UNC79: variants seen among roughly 807,000 people sequenced by gnomAD.
UNC79 encodes the protein protein unc-79 homolog.
In UNC79, 37 loss-of-function variants were observed where a neutral mutation model predicts 283.1. The observed-to-expected ratio is 0.13, with a 90% CI of 0.10 to 0.17. The LOEUF is 0.17. Ranked by LOEUF, UNC79 falls within the 10% of genes least tolerant of loss-of-function variation. UNC79 has a pLI of 1.00. For synonymous variants in UNC79, 1,107 were observed against 1,200.2 expected (o/e 0.92, Z 1.61); for missense variants, 2,272 against 3,211.1 (o/e 0.71, Z 7.07).
At chr14:93,443,475 G>A (rs1375575615) in intron 1 of UNC79, among the ~76,000 whole-genome samples, 2 of 145,338 alleles carry the variant, frequency 1.4e-5, no homozygotes, top group Admixed American at 7.0e-5. Context: ...CCAGGCTAGA[G>A]TGCAATGGCA....
intron 1 of UNC79, among the ~76,000 whole-genome samples, chr14:93,334,319 C>G (rs927667675): frequency 6.6e-6 from 1 of 152,242 alleles, no homozygotes; most frequent in African/African-American, 2.4e-5. Flanking sequence ...CTTTACCCAT[C>G]TCACCCTTTT....
At chr14:93,643,475 A>G (rs1326310662) in intron 33 of UNC79, 82 bp from the exon 37 acceptor site, 1 of 1,606,532 alleles carries the variant, frequency 6.2e-7, no homozygotes, top group Admixed American at 1.7e-5. Context: ...GACCTACTAA[A>G]AACAGCCGTG....
chr14:93,384,089 A>C (rs2054720464), intron 1 of UNC79, among the ~76,000 whole-genome samples: 1 of 152,208 alleles, frequency 6.6e-6, no homozygotes, highest in African/African-American at 2.4e-5. Context: ...GGACTAATAC[A>C]ATCTCTCATC....
intron 14 of UNC79, among the ~76,000 whole-genome samples, chr14:93,559,937 G>A (rs1193241849): frequency 6.6e-6 from 1 of 152,032 alleles, no homozygotes; most frequent in Non-Finnish European, 1.5e-5. Flanking sequence ...AGAGATAATG[G>A]GCGATGTTTC....
At chr14:93,422,644 C>T (rs1358103264) in intron 1 of UNC79, among the ~76,000 whole-genome samples, 2 of 151,958 alleles carry the variant, frequency 1.3e-5, no homozygotes, top group Non-Finnish European at 2.9e-5. Flanking sequence ...AGGAACATAC[C>T]TCGATATAAA....
At chr14:93,657,212 G>A (rs1186123749) in intron 38 of UNC79, among the ~76,000 whole-genome samples, 2 of 152,162 alleles carry the variant, frequency 1.3e-5, no homozygotes, top group African/African-American at 4.8e-5. Flanking sequence ...TATGTGTATA[G>A]CTACTGTACA....
At position 93,533,852 on chromosome 14, in the gene UNC79, T is replaced by C. The variant is rs144913256; in HGVS notation, c.1122+1274T>C. On this transcript the variant is annotated intron_variant, in intron 11 of 48. Transcript: ENST00000555664. ...TTTGGACATAATTATTTACCTTCTT[T>C]CCATATGCAAAATATGCTCACCATT... 5.7e-3 allele frequency among the ~76,000 whole-genome samples: 872 copies of C among 152,330 alleles called. 12 individuals carry two copies. Among genetic ancestry groups the C allele is most frequent in the African/African-American group, 0.02 (839 of 41,562 alleles).
At chr14:93,616,340 T>C (rs570899247) in intron 27 of UNC79, among the ~76,000 whole-genome samples, 1 of 151,188 alleles carries the variant, frequency 6.6e-6, no homozygotes, top group East Asian at 1.9e-4. Flanking sequence ...TTAGACGGTA[T>C]ATGCTTTTTC....
At chr14:93,662,196 A>C (rs1270782207) in intron 39 of UNC79, among the ~76,000 whole-genome samples, 1 of 152,188 alleles carries the variant, frequency 6.6e-6, no homozygotes, top group Non-Finnish European at 1.5e-5. Flanking sequence ...GGTGGTTTGC[A>C]CTACTTAACC....
chr14:93,499,301 A>T (rs1171128476), intron 7 of UNC79, among the ~76,000 whole-genome samples: 4 of 152,274 alleles, frequency 2.6e-5, no homozygotes, highest in Admixed American at 6.5e-5. Flanking sequence ...ATACGGAAGC[A>T]TTAATAGAAT....
At chr14:93,347,525 TG>T in intron 1 of UNC79, 1 of 1,109,338 alleles carries the variant, frequency 9.0e-7, no homozygotes, top group Non-Finnish European at 1.2e-6. Context: ...TGGTCGCCGT[TG>T]GGGGAGGTTC....
intron 18 of UNC79, 29 bp downstream of exon 18, chr14:93,578,092 C>A (rs1189363122): frequency 6.2e-7 from 1 of 1,601,732 alleles, no homozygotes; most frequent in Non-Finnish European, 8.5e-7. Flanking sequence ...TCCTTTAGTT[C>A]AGAGGTGAAG....
intron 22 of UNC79, among the ~76,000 whole-genome samples, chr14:93,589,136 G>A (rs760731202): frequency 5.3e-5 from 8 of 152,090 alleles, no homozygotes; most frequent in African/African-American, 1.4e-4. Context: ...TTTAGGGTTC[G>A]GCTGAGGTTA....
exon 30 of UNC79, chr14:93,622,425 A>T (rs375047890): frequency 5.0e-6 from 8 of 1,614,138 alleles, no homozygotes; most frequent in Non-Finnish European, 6.8e-6. Flanking sequence ...AAGCCAGAGG[A>T]GCTGCCAGAG....
At chr14:93,706,850 G>A in exon 49 of UNC79, 1 of 1,614,206 alleles carries the variant, frequency 6.2e-7, no homozygotes, top group Non-Finnish European at 8.5e-7. Context: ...AGTTCAAAAT[G>A]GCCCAGGTGG....
rs533687056 is a variant in UNC79, at chr14:93,538,727, C to G, written c.1352+509C>G. On this transcript the variant is annotated intron_variant, in intron 12 of 48. Coordinates refer to ENST00000555664, the Ensembl canonical transcript of UNC79. ...AGTAATTCCATGCTGGGATAAACCA[C>G]GACCCTGTGTAGTCAGACAGGGACA... 2.7e-5 allele frequency among the ~76,000 whole-genome samples: 4 copies of G among 149,214 alleles called. No individual in the cohort carries two copies. In the South Asian group the frequency reaches 8.5e-4, roughly 32 times the overall value.
chr14:93,343,758 G>A (rs1321984507), intron 1 of UNC79, among the ~76,000 whole-genome samples: 1 of 150,580 alleles, frequency 6.6e-6, no homozygotes, highest in African/African-American at 2.5e-5. Context: ...AAGTGGGCGA[G>A]GGTGTCTTTC....
At chr14:93,346,454 C>T (rs1307091121) in intron 1 of UNC79, among the ~76,000 whole-genome samples, 6 of 152,126 alleles carry the variant, frequency 3.9e-5, no homozygotes, top group Non-Finnish European at 7.4e-5. Flanking sequence ...TTGAGATCAG[C>T]CTGGGTGACA....
At chr14:93,687,341 G>A (rs1358483612) in intron 43 of UNC79, among the ~76,000 whole-genome samples, 1 of 152,180 alleles carries the variant, frequency 6.6e-6, no homozygotes, top group African/African-American at 2.4e-5. Flanking sequence ...TTTTTGCAGG[G>A]TGGAATGAAT....
Sources: allele counts gnomAD v4.1 joint callset (sites outside exome capture counted in the v4.1 genomes callset), GRCh38; gene constraint gnomAD v4.1.1; transcripts MANE v1.5; gene names NCBI Gene and HGNC (gene_info 2026-07-23, HGNC 2026-07-21).